SPTLC3: variants seen among roughly 807,000 people sequenced by gnomAD.
SPTLC3 encodes the protein serine palmitoyltransferase 3.
In SPTLC3, 36 loss-of-function variants were observed where a neutral mutation model predicts 59.3. That is an observed-to-expected ratio of 0.61 (90% CI 0.47 to 0.80). SPTLC3 has a LOEUF of 0.80. SPTLC3 is among the 30% of genes least tolerant of loss of function. The pLI is 0.00. For missense variants in SPTLC3, 625 were observed against 685.1 expected (o/e 0.91, Z 0.98); for synonymous variants, 257 against 240.8 (o/e 1.07, Z -0.62).
At chr20:13,133,552 G>A (rs1202299922) in intron 9 of SPTLC3, among the ~76,000 whole-genome samples, 1 of 152,128 alleles carries the variant, frequency 6.6e-6, no homozygotes. Flanking sequence ...TGGCCAACAA[G>A]GCAAAACCCC....
intron 9 of SPTLC3, among the ~76,000 whole-genome samples, chr20:13,128,446 AG>A (rs113340533): frequency 6.6e-6 from 1 of 152,230 alleles, no homozygotes; most frequent in African/African-American, 2.4e-5. Context: ...CCTTGAAGAC[AG>A]TGACTCAGGC....
At chr20:13,077,739 T>C (rs1321116721) in intron 4 of SPTLC3, among the ~76,000 whole-genome samples, 1 of 151,214 alleles carries the variant, frequency 6.6e-6, no homozygotes, top group Non-Finnish European at 1.5e-5. Context: ...AAACAGAAAC[T>C]TAGGAATTTG....
intron 2 of SPTLC3, chr20:13,049,369 C>A: frequency 2.5e-6 from 1 of 401,364 alleles, no homozygotes; most frequent in Non-Finnish European, 4.6e-6. Context: ...TTTTCCCATA[C>A]CTTGTAATAT....
Position 13,099,365 on chromosome 20 carries a change from G to T in SPTLC3, c.826+5788G>T, listed in dbSNP as rs559722927. On this transcript the variant is annotated intron_variant, in intron 6 of 11. Transcript: ENST00000399002. ...AGAAATACAGCCCTGCCAATATCTT[G>T]ATTTTCACCCAGTCGAACCCATTTC... Among the ~76,000 whole-genome samples, 79 of 152,272 alleles carry T rather than the reference G, an allele frequency of 5.2e-4. 1 individual carries two copies. Among genetic ancestry groups the T allele is most frequent in the Admixed American group, 3.9e-3 (59 of 15,288 alleles).
chr20:13,104,356 G>T (rs773386463), intron 6 of SPTLC3, among the ~76,000 whole-genome samples: 2 of 152,070 alleles, frequency 1.3e-5, no homozygotes, highest in African/African-American at 4.8e-5. Flanking sequence ...TACTGTTCTC[G>T]TGGTAGTGAA....
intron 1 of SPTLC3, among the ~76,000 whole-genome samples, chr20:13,014,271 G>A (rs562738652): frequency 1.3e-5 from 2 of 152,292 alleles, no homozygotes; most frequent in South Asian, 4.1e-4. Context: ...TTTGGAAATA[G>A]TCCACCACAA....
At chr20:13,020,694 T>C (rs1225857223) in intron 1 of SPTLC3, among the ~76,000 whole-genome samples, 1 of 152,178 alleles carries the variant, frequency 6.6e-6, no homozygotes. Context: ...CCCCTTAGGA[T>C]GTCCCAGGAA....
chr20:13,106,992 G>C (rs1434035007), intron 6 of SPTLC3, among the ~76,000 whole-genome samples: 1 of 152,222 alleles, frequency 6.6e-6, no homozygotes, highest in East Asian at 1.9e-4. Context: ...AAATGAGGTG[G>C]AAAATGGGCC....
At chr20:13,126,069 A>G (rs961724576) in intron 8 of SPTLC3, among the ~76,000 whole-genome samples, 1 of 152,058 alleles carries the variant, frequency 6.6e-6, no homozygotes, top group African/African-American at 2.4e-5. Context: ...GCCTAATCAT[A>G]TCTCCTCATT....
chr20:13,164,875 G>A lies in SPTLC3; in HGVS notation c.*8G>A, dbSNP rs781435313. The A allele has an allele frequency of 3.7e-6, 6 of 1,607,776 alleles. No individual in the cohort carries two copies. The African/African-American group carries it at 8.0e-5, about 22-fold the overall frequency. On this transcript the variant is annotated 3_prime_UTR_variant, in exon 12 of 12. Transcript: ENST00000399002. Reference sequence around the variant, plus strand: ...TTTGAACTCGAAGATTAAGTTTCCTGGTCCTGAATGACACATAAAGACTTT... The same window carrying A: ...TTTGAACTCGAAGATTAAGTTTCCTAGTCCTGAATGACACATAAAGACTTT...
At chr20:13,141,591 G>A (rs1378961573) in intron 9 of SPTLC3, among the ~76,000 whole-genome samples, 3 of 152,128 alleles carry the variant, frequency 2.0e-5, no homozygotes, top group African/African-American at 7.2e-5. Flanking sequence ...CGCCCAAAAT[G>A]TACTGTCTGA....
At chr20:13,073,676 G>C in intron 3 of SPTLC3, 1 of 346,440 alleles carries the variant, frequency 2.9e-6, no homozygotes, top group Non-Finnish European at 5.7e-6. Context: ...TTTTTAATGT[G>C]ACTGCTTATC....
chr20:13,113,288 T>C (rs1446922980), intron 7 of SPTLC3, among the ~76,000 whole-genome samples: 1 of 152,180 alleles, frequency 6.6e-6, no homozygotes, highest in Non-Finnish European at 1.5e-5. Flanking sequence ...CGGAGGTATA[T>C]TAGGAATGCA....
At chr20:13,139,735 A>G (rs761912436) in intron 9 of SPTLC3, among the ~76,000 whole-genome samples, 5 of 152,228 alleles carry the variant, frequency 3.3e-5, no homozygotes, top group African/African-American at 4.8e-5. Context: ...TTGCCACAGT[A>G]CTTAACCTCC....
intron 1 of SPTLC3, among the ~76,000 whole-genome samples, chr20:13,023,018 C>A (rs1158699940): frequency 3.9e-5 from 6 of 152,142 alleles, no homozygotes; most frequent in Non-Finnish European, 8.8e-5. Flanking sequence ...TTCCTGGAGC[C>A]AGCCACCCAT....
chr20:13,056,624 A>G (rs912757783), intron 2 of SPTLC3, among the ~76,000 whole-genome samples: 1 of 150,156 alleles, frequency 6.7e-6, no homozygotes, highest in African/African-American at 2.5e-5. Context: ...AATTTTTTAT[A>G]TTTTTGGTAA....
intron 2 of SPTLC3, among the ~76,000 whole-genome samples, chr20:13,053,219 C>T (rs909305455): frequency 1.3e-5 from 2 of 152,172 alleles, no homozygotes; most frequent in Non-Finnish European, 2.9e-5. Context: ...ATTTCCTGTT[C>T]TGCAGCCTCC....
At chr20:13,009,972 T>A (rs1282786059) in intron 1 of SPTLC3, among the ~76,000 whole-genome samples, 1 of 152,194 alleles carries the variant, frequency 6.6e-6, no homozygotes, top group Non-Finnish European at 1.5e-5. Context: ...GCAGGGCTGA[T>A]TGTGACACAC....
At chr20:13,066,968 G>A (rs243879) in intron 2 of SPTLC3, among the ~76,000 whole-genome samples, 1 of 149,278 alleles carries the variant, frequency 6.7e-6, no homozygotes, top group Non-Finnish European at 1.5e-5. Flanking sequence ...TTTTGTCATG[G>A]TCATTATTTT....
Sources: gnomAD v4.1 joint callset for allele counts (sites outside exome capture counted in the v4.1 genomes callset) on GRCh38, gnomAD v4.1.1 for gene constraint, MANE v1.5 for transcripts, NCBI Gene and HGNC (gene_info 2026-07-23, HGNC 2026-07-21) for gene names.